REEP3: variants seen among roughly 807,000 people sequenced by gnomAD.
REEP3 encodes receptor expression-enhancing protein 3.
REEP3 carries 20 observed loss-of-function variants against 41.3 expected under a neutral mutation model. That is an observed-to-expected ratio of 0.48 (90% CI 0.34 to 0.70). The LOEUF (loss-of-function observed/expected upper bound fraction) is 0.70, where lower values mean the gene tolerates loss of function less well. Among genes scored for constraint, REEP3 ranks in the 30% least tolerant of loss-of-function variants. The pLI is 0.01. For synonymous variants in REEP3, 104 were observed against 101.8 expected (o/e 1.02, Z -0.13); for missense variants, 271 against 308.8 (o/e 0.88, Z 0.92).
At chr10:63,619,905 G>T (rs2133439075) in intron 7 of REEP3, 105 bp downstream of exon 7, 34 of 432,994 alleles carry the variant, frequency 7.9e-5, no homozygotes, top group East Asian at 1.5e-4. Context: ...TGGAATGGTA[G>T]AACAGCAGTT....
intron 4 of REEP3, among the ~76,000 whole-genome samples, 197 bp downstream of exon 4, chr10:63,598,341 A>G (rs1956136934): frequency 1.3e-5 from 2 of 151,622 alleles, no homozygotes; most frequent in South Asian, 4.2e-4. Context: ...AAAATTAACC[A>G]GGTATGGTGG....
intron 5 of REEP3, among the ~76,000 whole-genome samples, 188 bp from the exon 6 acceptor site, chr10:63,609,999 A>G (rs1404634686): frequency 2.6e-5 from 4 of 152,200 alleles, no homozygotes; most frequent in Admixed American, 2.0e-4. Context: ...AAAAAATAAA[A>G]TGAATTCATG....
At chr10:63,526,067 G>A (rs566740294) in intron 1 of REEP3, among the ~76,000 whole-genome samples, 38 of 152,312 alleles carry the variant, frequency 2.5e-4, no homozygotes, top group Non-Finnish European at 5.0e-4. Context: ...ATCCCAGCAT[G>A]CTGAATGTTT....
At chr10:63,604,650 TA>T (rs933051037) in intron 5 of REEP3, among the ~76,000 whole-genome samples, 6 of 150,818 alleles carry the variant, frequency 4.0e-5, no homozygotes, top group African/African-American at 9.7e-5. Flanking sequence ...ATTATACACT[TA>T]AAAAAAAAGG....
chr10:63,524,435 ACT>A (rs998406809), intron 1 of REEP3, among the ~76,000 whole-genome samples: 17 of 147,538 alleles, frequency 1.2e-4, no homozygotes, highest in Admixed American at 6.7e-4. Flanking sequence ...CCTGGACACC[ACT>A]CTTTTTTTTT....
intron 1 of REEP3, among the ~76,000 whole-genome samples, chr10:63,532,999 C>G (rs1299861013): frequency 6.6e-6 from 1 of 152,134 alleles, no homozygotes; most frequent in East Asian, 1.9e-4. Flanking sequence ...ATTGTGAATC[C>G]AAGGTTAAAG....
rs1956364936 is a variant in REEP3 at position 63,622,821 on chromosome 10, C to T, written c.*1952C>T. 6.6e-6 allele frequency: 1 copy of T among 151,504 alleles called. No individual in the cohort carries two copies. The highest frequency in any genetic ancestry group is 1.5e-5 in the Non-Finnish European group (1 of 68,154). 9.4% of individuals were successfully genotyped at this position (151,504 alleles called of 1,614,324 possible). On this transcript the variant is annotated 3_prime_UTR_variant, in exon 8 of 8. Coordinates refer to ENST00000373758, the MANE Select transcript of REEP3 (RefSeq NM_001001330.3). ...TCCCGGGTTCGAGCGATTCTCCTGC[C>T]TCGGCCTCCCGAGTAACTGGGTCTA...
intron 2 of REEP3, among the ~76,000 whole-genome samples, chr10:63,584,692 A>G (rs1182086642): frequency 6.6e-6 from 1 of 152,196 alleles, no homozygotes; most frequent in Admixed American, 6.5e-5. Flanking sequence ...TGAATCGGGA[A>G]TAGATCTTTT....
At chr10:63,524,366 C>T (rs1482113305) in intron 1 of REEP3, among the ~76,000 whole-genome samples, 1 of 152,150 alleles carries the variant, frequency 6.6e-6, no homozygotes, top group Non-Finnish European at 1.5e-5. Flanking sequence ...AACCAAAGCA[C>T]CCTGTATGTA....
intron 5 of REEP3, among the ~76,000 whole-genome samples, chr10:63,609,596 G>A (rs1956261034): frequency 6.6e-6 from 1 of 151,778 alleles, no homozygotes; most frequent in South Asian, 2.1e-4. Context: ...CCCCATCTCT[G>A]TTAAAAATAC....
intron 2 of REEP3, among the ~76,000 whole-genome samples, chr10:63,585,171 G>A (rs1427555949): frequency 6.6e-6 from 1 of 152,166 alleles, no homozygotes; most frequent in African/African-American, 2.4e-5. Flanking sequence ...ATGTAAGAGT[G>A]GAAGCCATCC....
Position 63,536,061 on chromosome 10 carries a change from T to A in REEP3, c.32+14484T>A, listed in dbSNP as rs555381187. ...TTCTAAGCAGTTTCAAACTAATTTG[T>A]TTCTGTTTCACAACCATCTTCATGA... On this transcript the variant is annotated intron_variant, in intron 1 of 7. Coordinates refer to ENST00000373758, the MANE Select transcript of REEP3 (RefSeq NM_001001330.3). 2.0e-5 allele frequency among the ~76,000 whole-genome samples: 3 copies of A among 152,344 alleles called. No individual in the cohort carries two copies. In the South Asian group the frequency reaches 6.2e-4, roughly 32 times the overall value.
intron 1 of REEP3, among the ~76,000 whole-genome samples, chr10:63,554,688 T>G (rs1955661134): frequency 6.6e-6 from 1 of 152,210 alleles, no homozygotes; most frequent in Non-Finnish European, 1.5e-5. Flanking sequence ...TTTCTGTGTG[T>G]AATGACAATC....
At chr10:63,574,847 CTTTTTTTTTTT>C (rs56001048) in intron 2 of REEP3, among the ~76,000 whole-genome samples, 1 of 58,890 alleles carries the variant, frequency 1.7e-5, no homozygotes, top group Non-Finnish European at 3.1e-5. Context: ...AGGTCAATTT[CTTTTTTTTTTT>C]TTTTTTTTTT....
At chr10:63,541,843 A>G (rs1304458376) in intron 1 of REEP3, among the ~76,000 whole-genome samples, 1 of 152,208 alleles carries the variant, frequency 6.6e-6, no homozygotes, top group Non-Finnish European at 1.5e-5. Context: ...GATAAAAGCA[A>G]TATTAAATTC....
At chr10:63,603,940 A>G (rs1414478747) in intron 5 of REEP3, among the ~76,000 whole-genome samples, 1 of 152,230 alleles carries the variant, frequency 6.6e-6, no homozygotes, top group Non-Finnish European at 1.5e-5. Context: ...AGTAAATTGA[A>G]ACTGAAATAG....
rs1956367212 is a variant in REEP3 at position 63,623,037 on chromosome 10, AT to A, written c.*2170del. ...TATCTCTCTAAAGTCTGGTCCCAGT[AT>A]TAAACCTATTCTTTAGTAAACTCAT... On this transcript the variant is annotated 3_prime_UTR_variant, in exon 8 of 8. Transcript: ENST00000373758. 1 of 152,212 alleles carries A rather than the reference AT, an allele frequency of 6.6e-6. No homozygotes were observed. The highest frequency in any genetic ancestry group is 1.5e-5 in the Non-Finnish European group (1 of 68,038). 9.4% of individuals were successfully genotyped at this position (152,212 alleles called of 1,614,324 possible). A position where few individuals can be genotyped will look rare whatever the true frequency, so the allele number is the denominator to read the frequency against.
chr10:63,567,428 A>T lies in REEP3; in HGVS notation c.105+1018A>T, dbSNP rs1018850949. On this transcript the variant is annotated intron_variant, in intron 2 of 7. Transcript: ENST00000373758. ...TATTTCATATAAATAGAATCATATAATATGTGACCTTTTGTGTCTGGCTCC... is the reference window on the plus strand; with the variant it reads ...TATTTCATATAAATAGAATCATATATTATGTGACCTTTTGTGTCTGGCTCC... Among the ~76,000 whole-genome samples the T allele has an allele frequency of 2.0e-5, 3 of 152,204 alleles. No individual in the cohort carries two copies. The South Asian group carries it at 6.2e-4, about 31-fold the overall frequency.
rs1400230140 is a variant in REEP3 at position 63,619,646 on chromosome 10, C to T, written c.566-9C>T. On this transcript the variant is annotated splice_polypyrimidine_tract_variant and intron_variant, in intron 6 of 7. Coordinates refer to ENST00000373758, the MANE Select transcript of REEP3 (RefSeq NM_001001330.3). ...TACCAAAACATGCTGTTTTTGACAA[C>T]TTGTTTAGGTTATGGAATTCCACTG... 1.3e-6 allele frequency: 2 copies of T among 1,593,492 alleles called. No homozygotes were observed. Among genetic ancestry groups the T allele is most frequent in the East Asian group, 2.3e-5 (1 of 44,350 alleles).
Sources: allele counts gnomAD v4.1 joint callset (sites outside exome capture counted in the v4.1 genomes callset), GRCh38; gene constraint gnomAD v4.1.1; transcripts MANE v1.5; gene names NCBI Gene and HGNC (gene_info 2026-07-23, HGNC 2026-07-21).